The following SNX29 variants were observed in gnomAD, a reference collection of about 807,000 sequenced individuals.
The protein encoded by SNX29 is sorting nexin 29.
Under a neutral mutation model 102.1 loss-of-function variants are expected in SNX29, and 78 were observed. The ratio of observed to expected loss-of-function variants is 0.76; its 90% CI spans 0.64 to 0.92. The LOEUF is 0.92. SNX29 is among the 40% of genes least tolerant of loss of function. The probability of loss-of-function intolerance (pLI) is 0.00; values close to 1 mark genes in which losing one functional copy is unlikely to be tolerated. For missense variants in SNX29, 1,280 were observed against 1,061.7 expected (o/e 1.21, Z -2.86); for synonymous variants, 580 against 414.5 (o/e 1.40, Z -4.85).
intron 16 of SNX29, among the ~76,000 whole-genome samples, chr16:12,368,060 T>C (rs1477745704): frequency 6.6e-6 from 1 of 152,230 alleles, no homozygotes; most frequent in Non-Finnish European, 1.5e-5. Context: ...CAGGTGCTTC[T>C]TGCACCTGGG....
intron 15 of SNX29, among the ~76,000 whole-genome samples, chr16:12,335,535 G>A (rs889419106): frequency 6.6e-6 from 1 of 152,082 alleles, no homozygotes; most frequent in Non-Finnish European, 1.5e-5. Context: ...AATTAGCTGG[G>A]CATGGTTGCA....
rs1397803004 is a variant in SNX29 at position 12,381,258 on chromosome 16, ACCATCCATCCACGCATCTGCCCACCAC to A, written c.1900-17180_1900-17154del. On this transcript the variant is annotated intron_variant, in intron 16 of 20. Coordinates refer to ENST00000566228, the MANE Select transcript of SNX29 (RefSeq NM_032167.5). ...CCATCTACCTATCCACCTACCACCC[ACCATCCATCCACGCATCTGCCCACCAC>A]CCATCCACCCACCCATTATCCATCT... 8.1e-4 allele frequency among the ~76,000 whole-genome samples: 50 copies of A among 61,408 alleles called. 1 individual carries two copies. The highest frequency in any genetic ancestry group is 1.2e-3 in the Admixed American group (6 of 5,012). The allele number at this position is 61,408 out of a possible 152,430, so 40.3% of individuals were successfully genotyped here. A position where few individuals can be genotyped will look rare whatever the true frequency, so the allele number is the denominator to read the frequency against.
chr16:12,204,374 C>T (rs184630227), intron 14 of SNX29, among the ~76,000 whole-genome samples: 11 of 152,236 alleles, frequency 7.2e-5, no homozygotes, highest in African/African-American at 2.4e-4. Context: ...TTGTAAAGGG[C>T]GATTATTTCT....
intron 14 of SNX29, among the ~76,000 whole-genome samples, chr16:12,261,952 G>A (rs1271053831): frequency 7.5e-6 from 1 of 133,002 alleles, no homozygotes; most frequent in African/African-American, 2.9e-5. Context: ...ACGTGTCCCC[G>A]GCTGGAGTGA....
chr16:12,313,180 A>T (rs1408964884), intron 15 of SNX29, among the ~76,000 whole-genome samples: 1 of 151,832 alleles, frequency 6.6e-6, no homozygotes, highest in African/African-American at 2.4e-5. Context: ...TGCCCGGCTA[A>T]TTTTTGTATT....
In SNX29 at chr16:12,001,615, ACAC is replaced by A. The variant is rs540382143; in HGVS notation, c.70-1375_70-1373del. ...TATATGTATATACACACACACATAT[ACAC>A]ATACACACACACAGATACACACACA... On this transcript the variant is annotated intron_variant, in intron 2 of 20. Coordinates refer to ENST00000566228, the MANE Select transcript of SNX29 (RefSeq NM_032167.5). Among the ~76,000 whole-genome samples, 350 of 152,258 alleles carry A rather than the reference ACAC, an allele frequency of 2.3e-3. 2 individuals carry two copies. Among genetic ancestry groups the A allele is most frequent in the African/African-American group, 8.1e-3 (337 of 41,550 alleles).
chr16:12,456,673 T>G (rs530795558), intron 18 of SNX29, among the ~76,000 whole-genome samples: 9 of 151,932 alleles, frequency 5.9e-5, no homozygotes, highest in Non-Finnish European at 8.8e-5. Context: ...TGTGAGTACT[T>G]GATAGTGTGT....
intron 20 of SNX29, among the ~76,000 whole-genome samples, chr16:12,534,857 C>T (rs1046800781): frequency 1.3e-5 from 2 of 152,072 alleles, no homozygotes; most frequent in East Asian, 3.9e-4. Flanking sequence ...TTTGATTGTC[C>T]CAACCATGGG....
intron 18 of SNX29, among the ~76,000 whole-genome samples, chr16:12,460,618 A>G (rs1017345006): frequency 6.7e-6 from 1 of 149,924 alleles, no homozygotes; most frequent in Non-Finnish European, 1.5e-5. Flanking sequence ...CTGGACTATA[A>G]CTTTTTGGCT....
intron 20 of SNX29, among the ~76,000 whole-genome samples, chr16:12,541,402 G>A (rs1184652926): frequency 6.6e-6 from 1 of 152,150 alleles, no homozygotes; most frequent in Non-Finnish European, 1.5e-5. Context: ...TCATTGTACA[G>A]ATAAAGAAAC....
intron 10 of SNX29, among the ~76,000 whole-genome samples, chr16:12,069,618 G>GAGACTGTA (rs999649783): frequency 6.6e-6 from 1 of 152,156 alleles, no homozygotes; most frequent in Non-Finnish European, 1.5e-5. Context: ...CTGCCTCAGA[G>GAGACTGTA]AGACTGTATA....
At chr16:12,116,389 G>A (rs1293556080) in intron 11 of SNX29, among the ~76,000 whole-genome samples, 2 of 152,196 alleles carry the variant, frequency 1.3e-5, no homozygotes, top group African/African-American at 4.8e-5. Flanking sequence ...AAGGAATGAG[G>A]GGCCGGGCGC....
Position 12,242,939 on chromosome 16 carries a change from TA to T in SNX29, c.1679-34993del, listed in dbSNP as rs560770293. Among the ~76,000 whole-genome samples, 14 of 152,238 alleles carry T rather than the reference TA, an allele frequency of 9.2e-5. No individual in the cohort carries two copies. In the South Asian group the frequency reaches 2.9e-3, roughly 32 times the overall value. On this transcript the variant is annotated intron_variant, in intron 14 of 20. Transcript: ENST00000566228. ...CTAGGATTGCAGGTGTGGGCCACCA[TA>T]CCCAACCATTCCCCACCCCCAAAAC...
intron 13 of SNX29, among the ~76,000 whole-genome samples, chr16:12,140,538 C>T (rs142222493): frequency 1.0e-3 from 157 of 152,260 alleles, no homozygotes; most frequent in African/African-American, 3.5e-3. Flanking sequence ...GGGGTGCATG[C>T]GGTGAGGTGC....
intron 4 of SNX29, among the ~76,000 whole-genome samples, chr16:12,035,029 A>G (rs1266246353): frequency 3.3e-5 from 5 of 151,952 alleles, no homozygotes; most frequent in Non-Finnish European, 5.9e-5. Flanking sequence ...AAAGGTAAAA[A>G]AGACTCAGTT....
chr16:12,003,184 G>T (rs1567514349), intron 3 of SNX29, 141 bp downstream of exon 3: 14 of 968,548 alleles, frequency 1.4e-5, no homozygotes, highest in South Asian at 1.4e-4. Flanking sequence ...CTGCAGCCAA[G>T]AGGTGCAGCG....
intron 19 of SNX29, among the ~76,000 whole-genome samples, chr16:12,488,567 G>A (rs945334019): frequency 1.9e-4 from 29 of 152,122 alleles, no homozygotes; most frequent in African/African-American, 7.0e-4. Context: ...GTTGAATAAC[G>A]AACTGAAGCT....
At chr16:12,310,120 G>A (rs77865116) in intron 15 of SNX29, among the ~76,000 whole-genome samples, 1,548 of 151,842 alleles carry the variant, frequency 0.01, 15 homozygotes, top group African/African-American at 0.021. Context: ...ACACGTGCAC[G>A]CACACATGCA....
chr16:12,063,587 CA>C (rs1242234058), intron 9 of SNX29, among the ~76,000 whole-genome samples: 1 of 151,966 alleles, frequency 6.6e-6, no homozygotes. Context: ...CCATGTTGGC[CA>C]GACTGATCTC....
Sources: allele counts gnomAD v4.1 joint callset (sites outside exome capture counted in the v4.1 genomes callset), GRCh38; gene constraint gnomAD v4.1.1; transcripts MANE v1.5; gene names NCBI Gene and HGNC (gene_info 2026-07-23, HGNC 2026-07-21).